The following RANBP2 variants were observed in gnomAD, a reference collection of about 807,000 sequenced individuals.
RANBP2 encodes the protein RAN binding protein 2.
Under a neutral mutation model 303.6 loss-of-function variants are expected in RANBP2, and 57 were observed. That is an observed-to-expected ratio of 0.19 (90% confidence interval 0.15 to 0.23). The LOEUF is 0.23. Ranked by LOEUF, RANBP2 falls within the 10% of genes least tolerant of loss-of-function variation. The pLI is 1.00. For missense variants in RANBP2, 3,138 were observed against 3,780.8 expected, an observed-to-expected ratio of 0.83 and a Z score of 4.46; for synonymous variants, 1,167 against 1,301.5, an observed-to-expected ratio of 0.90 and a Z score of 2.23.
chr2:109,322,591 C>T, the RANBP2 span, among the ~76,000 whole-genome samples: 21 of 152,170 alleles, frequency 1.4e-4, no homozygotes, highest in Admixed American at 8.5e-4. Flanking sequence ...AATAAATTTG[C>T]TGAATGAATA....
chr2:108,791,565 G>A, the RANBP2 span: 1 of 1,307,110 alleles, frequency 7.7e-7, no homozygotes, highest in Non-Finnish European at 1.1e-6. Context: ...TTTAAAAAAT[G>A]TTTTTACATT....
the RANBP2 span, among the ~76,000 whole-genome samples, chr2:109,325,403 G>GGA: frequency 8.0e-6 from 1 of 125,138 alleles, no homozygotes; most frequent in Non-Finnish European, 1.6e-5. Context: ...GTACAGTGGT[G>GGA]TGATCATGGC....
the RANBP2 span, among the ~76,000 whole-genome samples, chr2:109,142,804 G>A: frequency 6.6e-6 from 1 of 152,162 alleles, no homozygotes; most frequent in East Asian, 1.9e-4. Context: ...TAGGCTTGTC[G>A]GTAAATGTGG....
At chr2:108,956,978 C>T in the RANBP2 span, among the ~76,000 whole-genome samples, 25 of 152,220 alleles carry the variant, frequency 1.6e-4, no homozygotes, top group African/African-American at 3.9e-4. Context: ...TTAGTAGAGA[C>T]GGGGTTTCTC....
chr2:108,856,870 G>C, the RANBP2 span: 6 of 1,613,146 alleles, frequency 3.7e-6, no homozygotes, highest in Non-Finnish European at 4.2e-6. Context: ...TGTTTTTGGA[G>C]TATCAGGCTG....
the RANBP2 span, among the ~76,000 whole-genome samples, chr2:109,138,529 T>C: frequency 6.6e-6 from 1 of 152,252 alleles, no homozygotes; most frequent in Non-Finnish European, 1.5e-5. Context: ...AGTAATATTC[T>C]GGACTTCATG....
In RANBP2 at chr2:108,783,712, T is replaced by G. The variant is rs778124996; in HGVS notation, c.9486T>G (p.Asn3162Lys). The G allele has an allele frequency of 6.2e-7, 1 of 1,612,044 alleles. No individual in the cohort carries two copies. Among genetic ancestry groups the G allele is most frequent in the Non-Finnish European group, 8.5e-7 (1 of 1,178,126 alleles). Residue 3162 changes from asparagine (N) to lysine (K), a missense_variant, in exon 29 of 29, where the codon AAT becomes AAG. By Grantham distance (94) the Asn-to-Lys change is moderately conservative (BLOSUM62 0). Coordinates refer to ENST00000283195, the MANE Select transcript of RANBP2 (RefSeq NM_006267.5). ...HTGPGLLSMA[N>K]QGQNTNNSQF... Reference sequence around the variant, plus strand: ...GTCCTGGTTTACTATCCATGGCCAATCAAGGCCAGAATACCAATAATTCTC... The same window carrying G: ...GTCCTGGTTTACTATCCATGGCCAAGCAAGGCCAGAATACCAATAATTCTC...
chr2:108,764,999 C>G lies in RANBP2; in HGVS notation c.4460C>G (p.Ala1487Gly). 1 of 1,609,320 alleles carries G rather than the reference C, an allele frequency of 6.2e-7. No individual in the cohort carries two copies. The highest frequency in any genetic ancestry group is 8.5e-7 in the Non-Finnish European group (1 of 1,178,382). ...STKEGQWDCS[A>G]CLVQNEGSST... ...AAGGAAGGACAGTGGGATTGCAGTG[C>G]ATGTTTGGTACAAAATGAGGGGAGC... Residue 1487 changes from alanine (A) to glycine (G), a missense_variant, in exon 20 of 29, where the codon GCA becomes GGA. By Grantham distance (60) the Ala-to-Gly change is moderately conservative (BLOSUM62 0). Transcript: ENST00000283195.
the RANBP2 span, among the ~76,000 whole-genome samples, chr2:109,670,134 C>T: frequency 6.6e-6 from 1 of 152,180 alleles, no homozygotes; most frequent in Non-Finnish European, 1.5e-5. Flanking sequence ...TGGGCTACAG[C>T]TGCAGAAGAG....
At chr2:109,648,331 TAAGC>T in the RANBP2 span, among the ~76,000 whole-genome samples, 2 of 152,164 alleles carry the variant, frequency 1.3e-5, no homozygotes, top group Non-Finnish European at 2.9e-5. Flanking sequence ...TGGAAGATTT[TAAGC>T]AGCAGAAAGA....
At chr2:108,923,368 A>T in the RANBP2 span, 38 of 1,614,080 alleles carry the variant, frequency 2.4e-5, no homozygotes, top group Non-Finnish European at 2.9e-5. Context: ...AGACACTCAC[A>T]TTCCTTGGTG....
the RANBP2 span, among the ~76,000 whole-genome samples, chr2:109,291,089 C>T: frequency 1.3e-5 from 2 of 152,158 alleles, no homozygotes; most frequent in Non-Finnish European, 2.9e-5. Flanking sequence ...TCCTTGACCC[C>T]AAAGGTGTCC....
the RANBP2 span, among the ~76,000 whole-genome samples, chr2:109,723,682 T>A: frequency 1.3e-5 from 2 of 152,240 alleles, no homozygotes; most frequent in Non-Finnish European, 2.9e-5. Context: ...GTCAGATGGA[T>A]AGACTGCAAA....
the RANBP2 span, among the ~76,000 whole-genome samples, chr2:108,806,651 A>G: frequency 6.6e-6 from 1 of 152,218 alleles, no homozygotes; most frequent in African/African-American, 2.4e-5. Context: ...CTGTGTTCCA[A>G]AACGACTGTA....
chr2:108,885,099 C>T, the RANBP2 span: 5 of 152,116 alleles, frequency 3.3e-5, no homozygotes, highest in Non-Finnish European at 7.4e-5. Flanking sequence ...GTCTTTTTTC[C>T]AGGTACTCTG....
At chr2:109,548,930 C>G in the RANBP2 span, among the ~76,000 whole-genome samples, 78,867 of 151,948 alleles carry the variant, frequency 0.52, 21,631 homozygotes, top group African/African-American at 0.7. Context: ...GAGCCAGTGA[C>G]CACCTGATAG....
the RANBP2 span, among the ~76,000 whole-genome samples, chr2:109,181,392 C>T: frequency 5.3e-5 from 8 of 152,306 alleles, no homozygotes; most frequent in South Asian, 1.0e-3. Flanking sequence ...TTGCCACTCA[C>T]GTCTTTTTTC....
the RANBP2 span, chr2:108,885,156 C>T: frequency 2.0e-5 from 3 of 152,216 alleles, no homozygotes; most frequent in Admixed American, 6.5e-5. Flanking sequence ...ACAAACCCAC[C>T]TTTACCCGCC....
the RANBP2 span, among the ~76,000 whole-genome samples, chr2:109,053,261 C>A: frequency 6.6e-6 from 1 of 152,180 alleles, no homozygotes; most frequent in Admixed American, 6.5e-5. Context: ...TGTGAGAGGG[C>A]GAAACACTCG....
Sources: allele counts gnomAD v4.1 joint callset (sites outside exome capture counted in the v4.1 genomes callset), GRCh38; gene constraint gnomAD v4.1.1; transcripts MANE v1.5; gene names NCBI Gene and HGNC (gene_info 2026-07-23, HGNC 2026-07-21).